The following IAPP variants were observed in gnomAD, a reference collection of about 807,000 sequenced individuals.
IAPP encodes islet amyloid polypeptide, also known as Islet amyloid polypeptide (diabetes-associated peptide; amylin).
A neutral mutation model predicts 2.9 loss-of-function variants in IAPP; 4 were observed. The observed-to-expected ratio is 1.39, with a 90% CI of 0.69 to 3.19. IAPP has a LOEUF of 3.19. Among genes scored for constraint, IAPP ranks in the 30% most tolerant of loss-of-function variants. The pLI is 0.01. For missense variants in IAPP, 114 were observed against 105.3 expected (o/e 1.08, Z -0.36); for synonymous variants, 40 against 42.1 (o/e 0.95, Z 0.19).
At chr12:21,375,163 TTAGAAA>T (rs1434420488) in intron 2 of IAPP, among the ~76,000 whole-genome samples, 1 of 152,184 alleles carries the variant, frequency 6.6e-6, no homozygotes, top group Non-Finnish European at 1.5e-5. Flanking sequence ...GAAACTTCAC[TTAGAAA>T]TAGAGCAATA....
At position 21,356,136 on chromosome 12, in the gene IAPP, T is replaced by C. The variant is rs1415927293; in HGVS notation, c.-16+1123T>C. On this transcript the variant is annotated intron_variant, in intron 1 of 2. Coordinates refer to the IAPP transcript ENST00000539393. ...ACAGCTCTATAAGTAACTAGCGCTG[T>C]GACTTTGAGTATGTTACTACCGTCT... 3.3e-5 allele frequency among the ~76,000 whole-genome samples: 5 copies of C among 152,234 alleles called. No individual in the cohort carries two copies. The East Asian group carries it at 5.8e-4, about 18-fold the overall frequency.
At chr12:21,367,739 C>T (rs1005456891) in intron 1 of IAPP, among the ~76,000 whole-genome samples, 1 of 151,708 alleles carries the variant, frequency 6.6e-6, no homozygotes, top group Admixed American at 6.6e-5. Context: ...TATCAAAGTA[C>T]CGAGACTACA....
intron 1 of IAPP, among the ~76,000 whole-genome samples, chr12:21,365,819 C>T (rs1022989933): frequency 3.8e-4 from 58 of 152,182 alleles, no homozygotes; most frequent in Non-Finnish European, 6.2e-4. Context: ...CACTGGCCAT[C>T]AGAGAAATGC....
upstream of IAPP, among the ~76,000 whole-genome samples, chr12:21,370,293 C>T (rs1215060894): frequency 6.6e-6 from 1 of 151,826 alleles, no homozygotes; most frequent in Non-Finnish European, 1.5e-5. Flanking sequence ...CTGTGCCTGA[C>T]ATATGATAGT....
chr12:21,361,867 C>A (rs564558932), intron 1 of IAPP, among the ~76,000 whole-genome samples: 1 of 152,202 alleles, frequency 6.6e-6, no homozygotes, highest in Non-Finnish European at 1.5e-5. Context: ...AAGAAATGAA[C>A]AAAGCCTCCA....
chr12:21,377,032 T>C (rs964053729), intron 2 of IAPP, among the ~76,000 whole-genome samples: 1 of 152,186 alleles, frequency 6.6e-6, no homozygotes, highest in Non-Finnish European at 1.5e-5. Context: ...AGAGTTGGTA[T>C]ACAAATAAAT....
intron 1 of IAPP, among the ~76,000 whole-genome samples, chr12:21,360,358 A>G (rs1268476287): frequency 1.3e-5 from 2 of 152,246 alleles, no homozygotes. Context: ...CAATATAAAA[A>G]TAAATAAATG....
intron 2 of IAPP, 47 bp from the exon 3 acceptor site, chr12:21,378,190 C>T (rs764823776): frequency 6.4e-7 from 1 of 1,554,830 alleles, no homozygotes; most frequent in Non-Finnish European, 8.9e-7. Context: ...CTGGATCCAG[C>T]TAAAATTCTA....
intron 2 of IAPP, chr12:21,373,708 A>G (rs1174865832): frequency 4.3e-6 from 3 of 701,680 alleles, no homozygotes; most frequent in Non-Finnish European, 7.8e-6. Flanking sequence ...CAAAGCCAGA[A>G]CATGAAGCGG....
intron 2 of IAPP, among the ~76,000 whole-genome samples, chr12:21,375,081 A>C (rs1940092846): frequency 1.3e-5 from 2 of 152,152 alleles, no homozygotes; most frequent in African/African-American, 4.8e-5. Context: ...GTCTTCCAAA[A>C]TTCTGGGATT....
At position 21,365,709 on chromosome 12, in the gene IAPP, A is replaced by C. The variant is rs577909881; in HGVS notation, c.-15-7628A>C. On this transcript the variant is annotated intron_variant, in intron 1 of 2. Transcript: ENST00000539393. ...CTTAAACAAATTTACAAGAAAAAAA[A>C]CAAACAACCCCATTAAAAAGTGGGT... Among the ~76,000 whole-genome samples the C allele has an allele frequency of 9.3e-4, 141 of 152,298 alleles. 1 individual carries two copies. Among genetic ancestry groups the C allele is most frequent in the African/African-American group, 3.2e-3 (131 of 41,566 alleles).
intron 1 of IAPP, among the ~76,000 whole-genome samples, chr12:21,360,643 G>A (rs1289319159): frequency 2.6e-5 from 4 of 152,200 alleles, no homozygotes; most frequent in Admixed American, 6.5e-5. Context: ...CTAGCAAAGG[G>A]AAGCCATGAC....
At chr12:21,376,414 C>T in intron 2 of IAPP, 1 of 238,112 alleles carries the variant, frequency 4.2e-6, no homozygotes, top group South Asian at 4.0e-5. Context: ...TAGTTCAATC[C>T]TTAAAGCATA....
chr12:21,376,460 T>C (rs1940199891), intron 2 of IAPP: 1 of 181,664 alleles, frequency 5.5e-6, no homozygotes, highest in Admixed American at 6.1e-5. Context: ...GTCATATTTA[T>C]GGTACCTTCA....
At chr12:21,372,408 C>T (rs1939865911), upstream of IAPP, among the ~76,000 whole-genome samples, 1 of 152,078 alleles carries the variant, frequency 6.6e-6, no homozygotes, top group African/African-American at 2.4e-5. Flanking sequence ...TTTTAAATCT[C>T]CCCTCACCTC....
intron 1 of IAPP, among the ~76,000 whole-genome samples, chr12:21,357,362 C>A (rs11045997): frequency 0.32 from 49,134 of 151,892 alleles, 8,246 homozygotes; most frequent in East Asian, 0.46. Flanking sequence ...TTCTCCAAAC[C>A]AACAAGATTG....
chr12:21,357,507 G>C (rs1277758852), intron 1 of IAPP, among the ~76,000 whole-genome samples: 1 of 152,178 alleles, frequency 6.6e-6, no homozygotes, highest in African/African-American at 2.4e-5. Flanking sequence ...GCCACATGGT[G>C]TTGCAGCACT....
At chr12:21,356,157 C>A (rs949684498) in intron 1 of IAPP, among the ~76,000 whole-genome samples, 1 of 151,892 alleles carries the variant, frequency 6.6e-6, no homozygotes, top group Admixed American at 6.6e-5. Context: ...ATGTTACTAC[C>A]GTCTCTGTAC....
intron 1 of IAPP, among the ~76,000 whole-genome samples, chr12:21,356,409 G>A (rs1565513525): frequency 1.3e-5 from 2 of 151,830 alleles, no homozygotes; most frequent in Non-Finnish European, 2.9e-5. Flanking sequence ...TATATGCTGT[G>A]TATGACAGGG....
Sources: gnomAD v4.1 joint callset for allele counts (sites outside exome capture counted in the v4.1 genomes callset) on GRCh38, gnomAD v4.1.1 for gene constraint, MANE v1.5 for transcripts, NCBI Gene and HGNC (gene_info 2026-07-23, HGNC 2026-07-21) for gene names.